Variants in ST6GALNAC3 observed in about 807,000 individuals in gnomAD.
ST6GALNAC3 encodes the protein ST6 N-acetylgalactosaminide alpha-2,6-sialyltransferase 3.
ST6GALNAC3 carries 25 observed loss-of-function variants against 32.7 expected under a neutral mutation model. The ratio of observed to expected loss-of-function variants is 0.76; its 90% CI spans 0.56 to 1.07. The LOEUF is 1.07. Among genes scored for constraint, ST6GALNAC3 ranks in the 50% least tolerant of loss-of-function variants. ST6GALNAC3 has a pLI of 0.00. For synonymous variants in ST6GALNAC3, 129 were observed against 133.1 expected, an observed-to-expected ratio of 0.97 and a Z score of 0.21; for missense variants, 355 against 382.4, an observed-to-expected ratio of 0.93 and a Z score of 0.60.
At chr1:76,277,528 G>GTATATA (rs370795804) in intron 1 of ST6GALNAC3, among the ~76,000 whole-genome samples, 23 of 84,566 alleles carry the variant, frequency 2.7e-4, no homozygotes, top group South Asian at 4.4e-4. Flanking sequence ...ATGTTTATGT[G>GTATATA]TATATATATA....
chr1:76,375,794 A>G (rs1651175816), intron 2 of ST6GALNAC3, among the ~76,000 whole-genome samples: 1 of 152,224 alleles, frequency 6.6e-6, no homozygotes, highest in Admixed American at 6.5e-5. Flanking sequence ...GGATTTATTC[A>G]TAAAATGGAA....
intron 3 of ST6GALNAC3, among the ~76,000 whole-genome samples, chr1:76,592,184 A>G (rs1647058437): frequency 6.6e-6 from 1 of 152,202 alleles, no homozygotes; most frequent in Non-Finnish European, 1.5e-5. Flanking sequence ...GGGGATGGAA[A>G]AGTGGGAGAA....
intron 1 of ST6GALNAC3, among the ~76,000 whole-genome samples, chr1:76,185,232 A>G (rs1441877401): frequency 1.3e-5 from 2 of 152,236 alleles, no homozygotes; most frequent in Admixed American, 1.3e-4. Flanking sequence ...ATCAGTTTAA[A>G]TACTCCTTAT....
chr1:76,446,561 G>A (rs938457804), intron 3 of ST6GALNAC3, among the ~76,000 whole-genome samples: 5 of 152,228 alleles, frequency 3.3e-5, no homozygotes, highest in Middle Eastern at 3.4e-3. Context: ...TTTCCAGAAT[G>A]TCATACAGTT....
intron 3 of ST6GALNAC3, among the ~76,000 whole-genome samples, chr1:76,446,987 G>A (rs530059763): frequency 3.3e-5 from 5 of 152,318 alleles, no homozygotes; most frequent in African/African-American, 7.2e-5. Flanking sequence ...ACCTAAAAAC[G>A]TGGAAGCAAC....
At chr1:76,417,948 A>C (rs1202962101) in intron 3 of ST6GALNAC3, among the ~76,000 whole-genome samples, 9 of 152,196 alleles carry the variant, frequency 5.9e-5, no homozygotes, top group African/African-American at 2.2e-4. Context: ...TTTAGGAAAC[A>C]ATGCACATAA....
chr1:76,080,005 C>T (rs889169886), intron 1 of ST6GALNAC3, among the ~76,000 whole-genome samples: 3 of 152,196 alleles, frequency 2.0e-5, no homozygotes, highest in Admixed American at 6.5e-5. Context: ...TAGGGAGCCG[C>T]GGCCTTCCAG....
intron 2 of ST6GALNAC3, among the ~76,000 whole-genome samples, chr1:76,366,938 A>G (rs1041120241): frequency 6.6e-5 from 10 of 152,202 alleles, no homozygotes; most frequent in Admixed American, 6.5e-4. Flanking sequence ...AAAAATTCTG[A>G]CATAAGGAAG....
At chr1:76,274,521 C>T (rs531805345) in intron 1 of ST6GALNAC3, among the ~76,000 whole-genome samples, 2 of 152,280 alleles carry the variant, frequency 1.3e-5, no homozygotes, top group South Asian at 4.1e-4. Flanking sequence ...ATCAGGAATC[C>T]ACAAGTAAGC....
At chr1:76,113,435 A>T (rs1247281128) in intron 1 of ST6GALNAC3, among the ~76,000 whole-genome samples, 3 of 152,108 alleles carry the variant, frequency 2.0e-5, no homozygotes, top group Non-Finnish European at 4.4e-5. Flanking sequence ...TTAATGATGG[A>T]TGAGCCATTT....
At position 76,408,658 on chromosome 1, in the gene ST6GALNAC3, T is replaced by C. The variant is rs1270991595; in HGVS notation, c.214-3350T>C. 2.6e-5 allele frequency among the ~76,000 whole-genome samples: 4 copies of C among 152,212 alleles called. No individual in the cohort carries two copies. In the East Asian group the frequency reaches 7.7e-4, roughly 29 times the overall value. Reference sequence around the variant, plus strand: ...AGTGTGCTGGTCTCACTTAATTCTATATTAAGCCTTGTTACAGCAAAACTG... The same window carrying C: ...AGTGTGCTGGTCTCACTTAATTCTACATTAAGCCTTGTTACAGCAAAACTG... On this transcript the variant is annotated intron_variant, in intron 2 of 4. Coordinates refer to ENST00000328299, the MANE Select transcript of ST6GALNAC3 (RefSeq NM_152996.4).
rs1656441368 is a variant in ST6GALNAC3, at chr1:76,232,788, A to G, written c.19-81017A>G. ...TGAGCAATAATGAACTCTTGACTTG[A>G]GCGTTAAAGCGGGGCCCCAGTGGTT... On this transcript the variant is annotated intron_variant, in intron 1 of 4. Transcript: ENST00000328299. 2.0e-5 allele frequency among the ~76,000 whole-genome samples: 3 copies of G among 152,188 alleles called. No homozygotes were observed. The South Asian group carries it at 6.2e-4, about 31-fold the overall frequency.
At chr1:76,487,788 A>AG (rs1414991118) in intron 3 of ST6GALNAC3, among the ~76,000 whole-genome samples, 5 of 152,040 alleles carry the variant, frequency 3.3e-5, no homozygotes, top group Admixed American at 6.6e-5. Flanking sequence ...GTTACTTTGG[A>AG]GGGGGAGAGG....
intron 1 of ST6GALNAC3, among the ~76,000 whole-genome samples, chr1:76,248,240 G>T (rs114126589): frequency 0.07 from 10,673 of 152,232 alleles, 957 homozygotes; most frequent in African/African-American, 0.21. Flanking sequence ...CTGCAGACCA[G>T]AGCTGTTCCT....
At chr1:76,608,616 T>TGTGG (rs2100658116) in intron 3 of ST6GALNAC3, among the ~76,000 whole-genome samples, 1 of 150,706 alleles carries the variant, frequency 6.6e-6, no homozygotes, top group Admixed American at 6.6e-5. Flanking sequence ...TGTGTGTGTG[T>TGTGG]GTGTGTGTGT....
intron 3 of ST6GALNAC3, among the ~76,000 whole-genome samples, chr1:76,584,608 G>T (rs1483933051): frequency 1.3e-5 from 2 of 152,186 alleles, no homozygotes; most frequent in Non-Finnish European, 2.9e-5. Context: ...GCTAGCAGCA[G>T]CTTCAGATAT....
chr1:76,378,327 G>A (rs1471670606), intron 2 of ST6GALNAC3, among the ~76,000 whole-genome samples: 7 of 152,078 alleles, frequency 4.6e-5, no homozygotes, highest in Admixed American at 4.6e-4. Context: ...TGCAGAGAAT[G>A]GATGATGTTT....
chr1:76,308,654 G>A (rs1661213723), intron 1 of ST6GALNAC3, among the ~76,000 whole-genome samples: 1 of 152,150 alleles, frequency 6.6e-6, no homozygotes, highest in Non-Finnish European at 1.5e-5. Flanking sequence ...GCCATAGATG[G>A]AATACATTTA....
intron 1 of ST6GALNAC3, among the ~76,000 whole-genome samples, chr1:76,240,235 G>T (rs909575969): frequency 6.6e-6 from 1 of 152,192 alleles, no homozygotes; most frequent in Admixed American, 6.5e-5. Context: ...ATGCTGGAAA[G>T]AATAAAATAT....
Sources: allele counts gnomAD v4.1 joint callset (sites outside exome capture counted in the v4.1 genomes callset), GRCh38; gene constraint gnomAD v4.1.1; transcripts MANE v1.5; gene names NCBI Gene and HGNC (gene_info 2026-07-23, HGNC 2026-07-21).